Variants in CD163L1 observed in about 807,000 individuals in gnomAD.
CD163L1 encodes the protein CD163 molecule like 1.
CD163L1 carries 124 observed loss-of-function variants against 165.4 expected under a neutral mutation model. The observed-to-expected ratio is 0.75, with a 90% CI of 0.65 to 0.87. The LOEUF is 0.87. CD163L1 is among the 40% of genes least tolerant of loss of function. CD163L1 has a pLI of 0.00. For synonymous variants in CD163L1, 585 were observed against 662.2 expected (o/e 0.88, Z 1.79); for missense variants, 1,525 against 1,799.9 (o/e 0.85, Z 2.76).
chr12:7,361,558 T>C (rs781166546), intron 18 of CD163L1, among the ~76,000 whole-genome samples: 3 of 152,166 alleles, frequency 2.0e-5, no homozygotes, highest in Non-Finnish European at 4.4e-5. Context: ...CTTTTGAAAC[T>C]GGACTAGGGC....
At chr12:7,322,567 A>G in the CD163L1 span, 19 of 1,599,970 alleles carry the variant, frequency 1.2e-5, no homozygotes, top group African/African-American at 2.5e-4. Flanking sequence ...ATTTATGTTT[A>G]GTATATGTGG....
the CD163L1 span, among the ~76,000 whole-genome samples, chr12:7,328,074 GTGAATT>G: frequency 6.6e-6 from 1 of 152,142 alleles, no homozygotes; most frequent in South Asian, 2.1e-4. Flanking sequence ...AAGCATTTCA[GTGAATT>G]TGCACTAAAA....
In CD163L1 at chr12:7,368,972, GA is replaced by G; in HGVS notation, c.4040-8del. 6.3e-7 allele frequency: 1 copy of G among 1,580,424 alleles called. No homozygotes were observed. The highest frequency in any genetic ancestry group is 1.1e-5 in the South Asian group (1 of 89,486). On this transcript the variant is annotated splice_region_variant and splice_polypyrimidine_tract_variant and intron_variant, in intron 15 of 19. Transcript: ENST00000313599. The surrounding 1 kb of genome is among the most constrained non-coding windows in gnomAD (Gnocchi z 4.3). Reference sequence around the variant, plus strand: ...AGTGATTTCAGCGACTGTCCTGAGAGAGAGAGAGAGAGAGAGAGACGTAAAT... The same window carrying G: ...AGTGATTTCAGCGACTGTCCTGAGAGGAGAGAGAGAGAGAGAGACGTAAAT...
At chr12:7,426,345 G>A (rs752686671) in intron 4 of CD163L1, among the ~76,000 whole-genome samples, 1 of 151,952 alleles carries the variant, frequency 6.6e-6, no homozygotes, top group Non-Finnish European at 1.5e-5. Flanking sequence ...AATGCATGTG[G>A]GGCTTAAAAC....
At chr12:7,322,526 T>C in the CD163L1 span, 1 of 1,613,734 alleles carries the variant, frequency 6.2e-7, no homozygotes, top group Admixed American at 1.7e-5. Context: ...ATGAGGGCTA[T>C]GGACAGACGG....
intron 4 of CD163L1, among the ~76,000 whole-genome samples, chr12:7,421,446 CAT>C (rs1169520280): frequency 1.0e-5 from 1 of 100,212 alleles, no homozygotes; most frequent in Non-Finnish European, 1.9e-5. Context: ...TATACATATA[CAT>C]ATATGTACAT....
At chr12:7,324,593 G>A in the CD163L1 span, 42 of 1,613,674 alleles carry the variant, frequency 2.6e-5, no homozygotes, top group Middle Eastern at 1.6e-4. Flanking sequence ...TCAAATCCGC[G>A]GAGAGGTAGA....
At position 7,369,002 on chromosome 12, in the gene CD163L1, C is replaced by A. The variant is rs201580844; in HGVS notation, c.4040-37G>T. On this transcript the variant is annotated intron_variant, in intron 15 of 19. Transcript: ENST00000313599. The surrounding 1 kb of genome is among the most constrained non-coding windows in gnomAD (Gnocchi z 4.9). ...AGAGAGAGAGAGAGACGTAAATGAACGAAAAGGAACTGGGTATTTCTTTTT... is the reference window on the plus strand; with the variant it reads ...AGAGAGAGAGAGAGACGTAAATGAAAGAAAAGGAACTGGGTATTTCTTTTT... 5.7e-4 allele frequency: 911 copies of A among 1,601,886 alleles called. 1 individual carries two copies. Among genetic ancestry groups the A allele is most frequent in the Non-Finnish European group, 7.6e-4 (890 of 1,171,852 alleles).
chr12:7,325,091 A>C, the CD163L1 span, among the ~76,000 whole-genome samples: 1 of 152,210 alleles, frequency 6.6e-6, no homozygotes, highest in African/African-American at 2.4e-5. Context: ...TCAAGACTTC[A>C]TTTGCCTACC....
chr12:7,392,829 G>T (rs2136484555), intron 8 of CD163L1, among the ~76,000 whole-genome samples: 1 of 152,240 alleles, frequency 6.6e-6, no homozygotes, highest in East Asian at 1.9e-4. Context: ...AGAAGAAGTG[G>T]ATAAATTCCT....
intron 2 of CD163L1, chr12:7,439,166 T>A (rs780242772): frequency 6.3e-7 from 1 of 1,575,332 alleles, no homozygotes; most frequent in African/African-American, 1.4e-5. Context: ...TTCATTGTCA[T>A]CCTCCGGAAA....
At chr12:7,382,091 G>T (rs932371256) in intron 8 of CD163L1, among the ~76,000 whole-genome samples, 5 of 148,180 alleles carry the variant, frequency 3.4e-5, no homozygotes, top group Admixed American at 1.4e-4. Context: ...CACACATAGA[G>T]ATATATATAT....
At chr12:7,401,004 G>A (rs1326482638) in intron 6 of CD163L1, among the ~76,000 whole-genome samples, 4 of 152,130 alleles carry the variant, frequency 2.6e-5, no homozygotes, top group Non-Finnish European at 5.9e-5. Context: ...CAAATAAGTT[G>A]CTAATAAAGA....
At position 7,375,699 on chromosome 12, in the gene CD163L1, C is replaced by T. The variant is rs193151180; in HGVS notation, c.2686+1G>A. ...CAATTAAGATTATTTAAAAATCTCACGGGAACAGACAACTCCAACTTCTCT... is the reference window on the plus strand; with the variant it reads ...CAATTAAGATTATTTAAAAATCTCATGGGAACAGACAACTCCAACTTCTCT... On this transcript the variant is annotated splice_donor_variant, in intron 10 of 19. Transcript: ENST00000313599. LOFTEE classifies it high-confidence loss of function. The T allele has an allele frequency of 5.6e-5, 90 of 1,613,646 alleles. 1 individual carries two copies. Among genetic ancestry groups the T allele is most frequent in the Non-Finnish European group, 6.6e-5 (78 of 1,179,686 alleles).
chr12:7,421,075 G>GTA (rs746190227), intron 4 of CD163L1, among the ~76,000 whole-genome samples: 1 of 86,500 alleles, frequency 1.2e-5, no homozygotes, highest in African/African-American at 7.2e-5. Flanking sequence ...GTATATATAC[G>GTA]TATATATATA....
At position 7,374,719 on chromosome 12, in the gene CD163L1, G is replaced by T; in HGVS notation, c.3132C>A (p.Arg1044=). The T allele has an allele frequency of 6.2e-7, 1 of 1,614,062 alleles. No individual in the cohort carries two copies. The highest frequency in any genetic ancestry group is 1.3e-5 in the African/African-American group (1 of 75,056). The stretch of plus-strand genomic sequence containing the variant: ...GATAGATCTCTACTCTCCCGGCACA[G>T]CGGCTGTCCCCATCCACTAGGCGGA... ...KRLRLVDGDS[R]CAGRVEIYHD... The change falls in exon 13 of 20, where the codon CGC becomes CGA. Residue 1044 remains arginine (R), a synonymous_variant. Transcript: ENST00000313599. This position sits in a 1 kb window ranked among gnomAD's most constrained non-coding sequence, Gnocchi z 5.4.
At chr12:7,325,396 C>T in the CD163L1 span, among the ~76,000 whole-genome samples, 5 of 152,186 alleles carry the variant, frequency 3.3e-5, no homozygotes, top group Admixed American at 6.5e-5. Flanking sequence ...CCTGTAATCC[C>T]GGCACTTTGG....
rs747018520 is a variant in CD163L1 at position 7,388,771 on chromosome 12, G to GT, written c.2050+7323_2050+7324insA. On this transcript the variant is annotated intron_variant, in intron 8 of 19. Transcript: ENST00000313599. ...AAAAAAAAAAAAACAAAGTGGGGGG[G>GT]GCAAAGGATAGGAATAGACATGTAT... is the stretch of plus-strand genomic sequence containing the variant. 4.6e-3 allele frequency among the ~76,000 whole-genome samples: 694 copies of GT among 151,180 alleles called. 8 individuals are homozygous for GT. The highest frequency in any genetic ancestry group is 0.016 in the African/African-American group (656 of 41,246).
chr12:7,346,281 A>T (rs1946669612), downstream of CD163L1, among the ~76,000 whole-genome samples: 1 of 151,134 alleles, frequency 6.6e-6, no homozygotes, highest in African/African-American at 2.4e-5. Context: ...TTTTTATTCC[A>T]TTTTATTTTT....
Sources: allele counts gnomAD v4.1 joint callset (sites outside exome capture counted in the v4.1 genomes callset), GRCh38; gene constraint gnomAD v4.1.1; non-coding constraint Gnocchi (gnomAD v3.1); transcripts MANE v1.5; gene names NCBI Gene and HGNC (gene_info 2026-07-23, HGNC 2026-07-21).